SGCD: variants seen among roughly 807,000 people sequenced by gnomAD.
The protein encoded by SGCD is delta-sarcoglycan.
Under a neutral mutation model 36.6 loss-of-function variants are expected in SGCD, and 18 were observed. The ratio of observed to expected loss-of-function variants is 0.49; its 90% confidence interval spans 0.34 to 0.73. The LOEUF (loss-of-function observed/expected upper bound fraction) is 0.73, where lower values mean the gene tolerates loss of function less well. Among genes scored for constraint, SGCD ranks in the 30% least tolerant of loss-of-function variants. SGCD has a pLI of 0.01. For synonymous variants in SGCD, 133 were observed against 130.6 expected, an observed-to-expected ratio of 1.02 and a Z score of -0.12; for missense variants, 387 against 346.7, an observed-to-expected ratio of 1.12 and a Z score of -0.92.
At chr5:156,583,493 G>T (rs1760368027) in intron 4 of SGCD, among the ~76,000 whole-genome samples, 1 of 152,170 alleles carries the variant, frequency 6.6e-6, no homozygotes, top group South Asian at 2.1e-4. Flanking sequence ...TTTCTTAGCT[G>T]AATGACTACA....
the SGCD span, among the ~76,000 whole-genome samples, chr5:155,776,300 G>A: frequency 6.6e-6 from 1 of 152,064 alleles, no homozygotes; most frequent in Non-Finnish European, 1.5e-5. Flanking sequence ...TATCACTATG[G>A]CCAAGGGTTC....
In SGCD at chr5:156,117,721, G is replaced by A. The variant is rs116077900; in HGVS notation, c.-281-157G>A. Among the ~76,000 whole-genome samples, 259 of 152,288 alleles carry A rather than the reference G, an allele frequency of 1.7e-3. 1 individual carries two copies. The highest frequency in any genetic ancestry group is 5.9e-3 in the African/African-American group (247 of 41,566). ...ATAACATGCCCAAGGACACAACTTG[G>A]GGGTGGCTGAGCCAGGAATCAAACC... On this transcript the variant is annotated intron_variant, in intron 1 of 9. Coordinates refer to the SGCD transcript ENST00000517913.
intron 1 of SGCD, among the ~76,000 whole-genome samples, chr5:155,908,902 A>G (rs1277339415): frequency 6.6e-6 from 1 of 152,154 alleles, no homozygotes; most frequent in Non-Finnish European, 1.5e-5. Flanking sequence ...TAGGTGCTCA[A>G]TGAATACTTC....
At chr5:156,277,025 TG>T (rs1398301188) in intron 3 of SGCD, among the ~76,000 whole-genome samples, 1 of 152,220 alleles carries the variant, frequency 6.6e-6, no homozygotes, top group Non-Finnish European at 1.5e-5. Flanking sequence ...TTTTATTATT[TG>T]CAGGAAATAT....
intron 4 of SGCD, among the ~76,000 whole-genome samples, chr5:156,549,833 C>T (rs1399885863): frequency 6.6e-6 from 1 of 152,202 alleles, no homozygotes; most frequent in African/African-American, 2.4e-5. Flanking sequence ...CTAAATAAAT[C>T]TGCTTCAACT....
At chr5:155,975,066 A>G (rs191460922) in intron 1 of SGCD, among the ~76,000 whole-genome samples, 96 of 152,326 alleles carry the variant, frequency 6.3e-4, no homozygotes, top group African/African-American at 2.2e-3. Context: ...CAGAAGCAGA[A>G]GCAGAATGCC....
At chr5:156,512,853 T>C (rs1757003731) in intron 4 of SGCD, among the ~76,000 whole-genome samples, 1 of 152,168 alleles carries the variant, frequency 6.6e-6, no homozygotes, top group African/African-American at 2.4e-5. Context: ...ATCTGAATAA[T>C]GTTAATAATA....
upstream of SGCD, among the ~76,000 whole-genome samples, chr5:155,869,106 AC>A (rs1240121325): frequency 1.3e-5 from 2 of 152,208 alleles, no homozygotes; most frequent in Non-Finnish European, 1.5e-5. Context: ...AGGTTATGTG[AC>A]TATATTATGA....
intron 4 of SGCD, among the ~76,000 whole-genome samples, chr5:156,515,104 C>T (rs1757102057): frequency 6.6e-6 from 1 of 152,050 alleles, no homozygotes; most frequent in African/African-American, 2.4e-5. Flanking sequence ...GTTTTATATT[C>T]AGTAGCTTTT....
chr5:156,562,463 G>C (rs758841063), intron 4 of SGCD, among the ~76,000 whole-genome samples: 2 of 152,134 alleles, frequency 1.3e-5, no homozygotes, highest in African/African-American at 4.8e-5. Context: ...GAAGGCCAAT[G>C]TGACTGAAGT....
At chr5:156,725,824 G>A (rs1755745524) in intron 7 of SGCD, among the ~76,000 whole-genome samples, 1 of 152,152 alleles carries the variant, frequency 6.6e-6, no homozygotes, top group South Asian at 2.1e-4. Context: ...ACAATATAAT[G>A]AATGATCTTC....
intron 7 of SGCD, among the ~76,000 whole-genome samples, chr5:156,692,262 T>G (rs553972479): frequency 2.1e-4 from 32 of 152,284 alleles, no homozygotes; most frequent in African/African-American, 7.7e-4. Context: ...CATCTAACAA[T>G]TCCTATCAAT....
At chr5:155,779,164 T>G in the SGCD span, among the ~76,000 whole-genome samples, 1 of 152,186 alleles carries the variant, frequency 6.6e-6, no homozygotes, top group African/African-American at 2.4e-5. Flanking sequence ...TTTTAATTTT[T>G]AAAAATATTT....
At chr5:156,246,643 A>T (rs1037305129) in intron 3 of SGCD, among the ~76,000 whole-genome samples, 1 of 152,210 alleles carries the variant, frequency 6.6e-6, no homozygotes, top group Non-Finnish European at 1.5e-5. Context: ...TTTTAAAACC[A>T]TGTGCAGAAT....
At chr5:156,735,594 A>C (rs1159279810) in intron 7 of SGCD, among the ~76,000 whole-genome samples, 1 of 152,140 alleles carries the variant, frequency 6.6e-6, no homozygotes, top group Non-Finnish European at 1.5e-5. Flanking sequence ...TGGACTCTCC[A>C]AACAGTAAAG....
chr5:156,194,164 C>T (rs900750493), intron 3 of SGCD, among the ~76,000 whole-genome samples: 3 of 152,036 alleles, frequency 2.0e-5, no homozygotes, highest in Admixed American at 1.3e-4. Flanking sequence ...TCACTTGAGC[C>T]CATAAGTTCA....
intron 1 of SGCD, among the ~76,000 whole-genome samples, chr5:156,093,900 A>T (rs1761310342): frequency 6.6e-6 from 1 of 152,120 alleles, no homozygotes; most frequent in Admixed American, 6.5e-5. Context: ...TAAAACAGGC[A>T]TTGGAAATGG....
chr5:156,073,235 T>C (rs1365202551), intron 1 of SGCD, among the ~76,000 whole-genome samples: 1 of 152,162 alleles, frequency 6.6e-6, no homozygotes, highest in Non-Finnish European at 1.5e-5. Flanking sequence ...ATGGCTGTCT[T>C]CTGTATCTTA....
chr5:156,444,439 G>C (rs1753674074), intron 3 of SGCD, among the ~76,000 whole-genome samples: 1 of 152,062 alleles, frequency 6.6e-6, no homozygotes, highest in Non-Finnish European at 1.5e-5. Context: ...TTCTGACTCA[G>C]GAGGCAGTTT....
Sources: allele counts gnomAD v4.1 joint callset (sites outside exome capture counted in the v4.1 genomes callset), GRCh38; gene constraint gnomAD v4.1.1; transcripts MANE v1.5; gene names NCBI Gene and HGNC (gene_info 2026-07-23, HGNC 2026-07-21).